ABL1: variants seen among roughly 807,000 people sequenced by gnomAD.
ABL1 encodes the protein ABL proto-oncogene 1, non-receptor tyrosine kinase.
Under a neutral mutation model 94.7 loss-of-function variants are expected in ABL1, and 11 were observed. The observed-to-expected ratio is 0.12, with a 90% CI of 0.07 to 0.19. The LOEUF (loss-of-function observed/expected upper bound fraction) is 0.19. Among genes scored for constraint, ABL1 ranks in the 10% least tolerant of loss-of-function variants. ABL1 has a pLI of 1.00. For missense variants in ABL1, 1,082 were observed against 1,489.4 expected, an observed-to-expected ratio of 0.73 and a Z score of 4.50; for synonymous variants, 656 against 622.4, an observed-to-expected ratio of 1.05 and a Z score of -0.80.
At chr9:130,758,577 C>T (rs146757072) in intron 1 of ABL1, among the ~76,000 whole-genome samples, 61 of 152,270 alleles carry the variant, frequency 4.0e-4, no homozygotes, top group African/African-American at 1.2e-3. Context: ...AGATTACAGG[C>T]GTGCGCCACC....
At position 130,875,691 on chromosome 9, in the gene ABL1, G is replaced by A. The variant is rs567733356; in HGVS notation, c.1270+639G>A. 1.0e-3 allele frequency among the ~76,000 whole-genome samples: 158 copies of A among 152,092 alleles called. 2 individuals are homozygous for A. The highest frequency in any genetic ancestry group is 4.5e-3 in the Admixed American group (69 of 15,262). ...AGTAATGGGTGGCTGGATCTGGAAC[G>A]GCCTCATCACATTCAGGTTTGACTG... is the stretch of plus-strand genomic sequence containing the variant. On this transcript the variant is annotated intron_variant, in intron 7 of 10. Coordinates refer to ENST00000318560, the MANE Select transcript of ABL1 (RefSeq NM_005157.6).
At chr9:130,794,132 C>T (rs1339782148) in intron 1 of ABL1, among the ~76,000 whole-genome samples, 2 of 151,942 alleles carry the variant, frequency 1.3e-5, no homozygotes, top group Non-Finnish European at 2.9e-5. Flanking sequence ...CAGAACCACC[C>T]CTCAGTGGCC....
intron 1 of ABL1, among the ~76,000 whole-genome samples, chr9:130,853,544 A>T (rs1830920930): frequency 6.6e-6 from 1 of 152,030 alleles, no homozygotes; most frequent in African/African-American, 2.4e-5. Flanking sequence ...CCTCCTGAGT[A>T]GCTGGGACTA....
intron 1 of ABL1, among the ~76,000 whole-genome samples, chr9:130,821,133 T>C (rs971620599): frequency 6.6e-6 from 1 of 152,148 alleles, no homozygotes; most frequent in Non-Finnish European, 1.5e-5. Context: ...GGTTTCACCA[T>C]GTTAGCCAGG....
intron 10 of ABL1, among the ~76,000 whole-genome samples, chr9:130,881,057 C>T (rs980142778): frequency 2.0e-5 from 3 of 152,208 alleles, no homozygotes; most frequent in Admixed American, 2.0e-4. Flanking sequence ...GTGAGAAGCT[C>T]GCTGCAGCCA....
intron 1 of ABL1, among the ~76,000 whole-genome samples, chr9:130,750,264 G>A (rs1831942731): frequency 7.0e-6 from 1 of 143,842 alleles, no homozygotes; most frequent in South Asian, 2.2e-4. Flanking sequence ...CTTAGAGGTG[G>A]GCTGGTAAAG....
intron 3 of ABL1, among the ~76,000 whole-genome samples, chr9:130,855,746 G>A (rs889785986): frequency 1.3e-5 from 2 of 152,140 alleles, no homozygotes; most frequent in African/African-American, 2.4e-5. Context: ...CTGAGGTATT[G>A]CTATAATACC....
In ABL1 at chr9:130,873,155, G is replaced by T. The variant is rs551586270; in HGVS notation, c.1085+118G>T. 155 of 1,063,392 alleles carry T rather than the reference G, an allele frequency of 1.5e-4. No individual in the cohort carries two copies. The African/African-American group carries it at 2.1e-3, about 14-fold the overall frequency. The allele number at this position is 1,063,392 out of a possible 1,614,324, so 65.9% of individuals were successfully genotyped here. ...GGCGCAGCTTCTAACCTCAGTGCTG[G>T]CAACACATTGGACCTTGGAACAAAG... On this transcript the variant is annotated intron_variant, in intron 6 of 10. Transcript: ENST00000318560.
At position 130,875,083 on chromosome 9, in the gene ABL1, T is replaced by C. The variant is rs1364404318; in HGVS notation, c.1270+31T>C. ...GGCTGCTGCTGCACTGAAGTGGTCCTTCCTGACTACAGGAGGGTTTTTTTC... is the reference window on the plus strand; with the variant it reads ...GGCTGCTGCTGCACTGAAGTGGTCCCTCCTGACTACAGGAGGGTTTTTTTC... On this transcript the variant is annotated intron_variant, in intron 7 of 10. Coordinates refer to ENST00000318560, the MANE Select transcript of ABL1 (RefSeq NM_005157.6). 7 of 1,604,612 alleles carry C rather than the reference T, an allele frequency of 4.4e-6. No individual in the cohort carries two copies. In the African/African-American group the frequency reaches 5.4e-5, roughly 12 times the overall value.
At chr9:130,874,795 G>T in intron 6 of ABL1, 73 bp from the exon 7 acceptor site, 1 of 1,491,278 alleles carries the variant, frequency 6.7e-7, no homozygotes, top group Non-Finnish European at 9.3e-7. Context: ...TTGCACCTTT[G>T]CTCAGCAGTG....
upstream of ABL1, chr9:130,834,093 C>T (rs1450751482): frequency 2.2e-6 from 1 of 455,936 alleles, no homozygotes; most frequent in Non-Finnish European, 4.4e-6. Context: ...TGTCTGACTT[C>T]TCTGAGCATC....
At chr9:130,720,097 A>T (rs907447664) in intron 1 of ABL1, among the ~76,000 whole-genome samples, 1 of 152,188 alleles carries the variant, frequency 6.6e-6, no homozygotes, top group African/African-American at 2.4e-5. Context: ...ACAAACATTT[A>T]TTTTATTGAG....
chr9:130,789,094 A>G (rs1422592084), intron 1 of ABL1, among the ~76,000 whole-genome samples: 1 of 152,208 alleles, frequency 6.6e-6, no homozygotes, highest in Non-Finnish European at 1.5e-5. Flanking sequence ...CCTGCTCCTC[A>G]TGAAACATAA....
At chr9:130,850,655 C>T (rs1445753189) in intron 1 of ABL1, among the ~76,000 whole-genome samples, 1 of 152,152 alleles carries the variant, frequency 6.6e-6, no homozygotes, top group African/African-American at 2.4e-5. Flanking sequence ...TACAGGTGTG[C>T]ACCACCACGC....
chr9:130,748,638 T>TGATC (rs576797277), intron 1 of ABL1, among the ~76,000 whole-genome samples: 85 of 151,644 alleles, frequency 5.6e-4, no homozygotes, highest in African/African-American at 1.9e-3. Context: ...TGCAGTGGCG[T>TGATC]GATCTTGGCT....
chr9:130,800,455 C>T (rs1830039530), intron 1 of ABL1, among the ~76,000 whole-genome samples: 1 of 149,322 alleles, frequency 6.7e-6, no homozygotes, highest in Admixed American at 6.6e-5. Context: ...TCCCCAAAAA[C>T]CTATTGAAAA....
Position 130,862,134 on chromosome 9 carries a change from A to G in ABL1, c.550-629A>G, listed in dbSNP as rs768897085. Among the ~76,000 whole-genome samples the G allele has an allele frequency of 5.9e-5, 9 of 152,226 alleles. No individual in the cohort carries two copies. The highest frequency in any genetic ancestry group is 1.0e-4 in the Non-Finnish European group (7 of 68,048). On this transcript the variant is annotated intron_variant, in intron 3 of 10. Transcript: ENST00000318560. This position sits in a 1 kb window ranked among gnomAD's most constrained non-coding sequence, Gnocchi z 5.5. ...TAGGTTTATCCCCTTTAAATTATAA[A>G]TTAAATGAATTCTTCGCTTTTCCTA...
intron 1 of ABL1, among the ~76,000 whole-genome samples, chr9:130,760,630 G>A (rs114627985): frequency 0.014 from 2,130 of 151,476 alleles, 53 homozygotes; most frequent in African/African-American, 0.048. Flanking sequence ...AATTTCTCTT[G>A]TAAACTTTTT....
intron 1 of ABL1, among the ~76,000 whole-genome samples, chr9:130,728,683 C>G (rs1045328862): frequency 3.0e-5 from 4 of 131,152 alleles, no homozygotes; most frequent in African/African-American, 1.3e-4. Context: ...AGCCACTGCG[C>G]CCAGCCTGTT....
Sources: allele counts gnomAD v4.1 joint callset (sites outside exome capture counted in the v4.1 genomes callset), GRCh38; gene constraint gnomAD v4.1.1; non-coding constraint Gnocchi (gnomAD v3.1); transcripts MANE v1.5; gene names NCBI Gene and HGNC (gene_info 2026-07-23, HGNC 2026-07-21).